Variants in PSD3 observed in about 807,000 individuals in gnomAD.
The protein encoded by PSD3 is PH and SEC7 domain-containing protein 3.
In PSD3, 49 loss-of-function variants were observed where a neutral mutation model predicts 105.5. The observed-to-expected ratio is 0.46, with a 90% CI of 0.37 to 0.59. PSD3 has a LOEUF of 0.59. Among genes scored for constraint, PSD3 ranks in the 20% least tolerant of loss-of-function variants. The probability of loss-of-function intolerance (pLI) is 0.00; values close to 1 mark genes in which losing one functional copy is unlikely to be tolerated. For synonymous variants in PSD3, 557 were observed against 457.8 expected (o/e 1.22, Z -2.77); for missense variants, 1,561 against 1,263.8 (o/e 1.24, Z -3.57).
intron 9 of PSD3, chr8:18,763,128 T>C: frequency 2.2e-6 from 1 of 447,620 alleles, no homozygotes; most frequent in African/African-American, 2.0e-5. Context: ...CAAAGAAATC[T>C]GAACAGACAT....
At chr8:18,909,513 C>T (rs2129463434) in intron 2 of PSD3, among the ~76,000 whole-genome samples, 1 of 152,040 alleles carries the variant, frequency 6.6e-6, no homozygotes, top group African/African-American at 2.4e-5. Flanking sequence ...GAAGCCTTGC[C>T]CTGTCACCCA....
intron 1 of PSD3, among the ~76,000 whole-genome samples, chr8:19,048,340 C>G (rs1049618643): frequency 6.6e-6 from 1 of 152,162 alleles, no homozygotes; most frequent in African/African-American, 2.4e-5. Context: ...GGACCTTTTA[C>G]AAGGGCAAAA....
chr8:18,965,852 C>T (rs1824208950), intron 1 of PSD3, among the ~76,000 whole-genome samples: 1 of 152,198 alleles, frequency 6.6e-6, no homozygotes, highest in Admixed American at 6.5e-5. Context: ...TAAATGGACA[C>T]ATAACAGCAG....
rs1370891941 is a variant in PSD3 at position 18,752,535 on chromosome 8, TATTATATATATTATATATA to T, written c.2172+12895_2172+12913del. Among the ~76,000 whole-genome samples, 31 of 22,410 alleles carry T rather than the reference TATTATATATATTATATATA, an allele frequency of 1.4e-3. 2 individuals are homozygous for T. The highest frequency in any genetic ancestry group is 6.7e-3 in the African/African-American group (30 of 4,460). The allele number at this position is 22,410 out of a possible 152,430, so 14.7% of individuals were successfully genotyped here. A position where few individuals can be genotyped will look rare whatever the true frequency, so the allele number is the denominator to read the frequency against. ...AATATATGTAATATATATAATTATA[TATTATATATATTATATATA>T]ATTATATATATTATATATATAATTA... On this transcript the variant is annotated intron_variant, in intron 9 of 15. Transcript: ENST00000327040.
chr8:18,922,965 G>C (rs1050048638), intron 2 of PSD3, among the ~76,000 whole-genome samples: 3 of 152,048 alleles, frequency 2.0e-5, no homozygotes, highest in Non-Finnish European at 4.4e-5. Context: ...TGTCCTTTTG[G>C]GTTTTTATGG....
intron 2 of PSD3, among the ~76,000 whole-genome samples, chr8:18,879,487 G>A (rs1817978506): frequency 6.6e-6 from 1 of 152,226 alleles, no homozygotes; most frequent in Admixed American, 6.5e-5. Flanking sequence ...TATTGTTTTA[G>A]AACTCTAAGT....
At chr8:18,862,986 A>G (rs1417285411) in intron 4 of PSD3, among the ~76,000 whole-genome samples, 1 of 152,114 alleles carries the variant, frequency 6.6e-6, no homozygotes, top group African/African-American at 2.4e-5. Context: ...CTGCACGCAG[A>G]TGTAATTCAC....
At chr8:18,632,866 G>T in intron 10 of PSD3, 60 bp from the exon 11 acceptor site, 1 of 1,329,196 alleles carries the variant, frequency 7.5e-7, no homozygotes, top group Non-Finnish European at 1.0e-6. Context: ...CAAAGAAAAA[G>T]GTAAGTTATT....
chr8:18,907,045 A>T (rs1277617489), intron 2 of PSD3, among the ~76,000 whole-genome samples: 1 of 152,382 alleles, frequency 6.6e-6, no homozygotes, highest in South Asian at 2.1e-4. Context: ...TGTACAATGT[A>T]TATGTATTTT....
intron 8 of PSD3, among the ~76,000 whole-genome samples, chr8:18,775,391 G>C (rs335227): frequency 0.96 from 146,076 of 152,292 alleles, 70,249 homozygotes; most frequent in Non-Finnish European, 0.98. Context: ...AGTGGGAATG[G>C]AGAGTCATAT....
chr8:18,774,823 A>G (rs7841096), intron 8 of PSD3: 1 of 447,566 alleles, frequency 2.2e-6, no homozygotes, highest in African/African-American at 2.0e-5. Context: ...CTTCGGCGAC[A>G]TACATCTGGG....
At chr8:18,569,505 T>C (rs201006921) in intron 14 of PSD3, among the ~76,000 whole-genome samples, 51,955 of 142,910 alleles carry the variant, frequency 0.36, 9,525 homozygotes, top group East Asian at 0.51. Flanking sequence ...CCATTCACAA[T>C]TGCTTCAAAG....
At chr8:18,846,456 T>C (rs372344711) in intron 4 of PSD3, among the ~76,000 whole-genome samples, 13 of 152,278 alleles carry the variant, frequency 8.5e-5, no homozygotes, top group East Asian at 7.7e-4. Flanking sequence ...GGGAAACATG[T>C]TCCTTGTGAA....
At chr8:18,564,942 T>TTA (rs1271931203) in intron 14 of PSD3, among the ~76,000 whole-genome samples, 1 of 152,138 alleles carries the variant, frequency 6.6e-6, no homozygotes, top group Non-Finnish European at 1.5e-5. Context: ...GATTCAAACT[T>TTA]TTATAAGACA....
intron 9 of PSD3, among the ~76,000 whole-genome samples, chr8:18,676,303 G>A (rs1170735032): frequency 1.3e-5 from 2 of 152,130 alleles, no homozygotes; most frequent in African/African-American, 4.8e-5. Flanking sequence ...ACTCATAAAT[G>A]GAGGGGAGCA....
intron 15 of PSD3, among the ~76,000 whole-genome samples, chr8:18,541,068 C>T (rs938815712): frequency 8.6e-5 from 13 of 151,814 alleles, no homozygotes; most frequent in Admixed American, 2.6e-4. Context: ...CCTTCCCTGG[C>T]CATCAAAATC....
chr8:18,726,612 A>G (rs745368294), intron 9 of PSD3, among the ~76,000 whole-genome samples: 21 of 152,180 alleles, frequency 1.4e-4, no homozygotes, highest in Non-Finnish European at 2.6e-4. Context: ...AAACAATTCT[A>G]TCTTCTCATC....
chr8:18,624,316 CTA>C (rs1046670298), intron 11 of PSD3, among the ~76,000 whole-genome samples: 16 of 151,944 alleles, frequency 1.1e-4, no homozygotes, highest in African/African-American at 3.9e-4. Context: ...TGACATTTCA[CTA>C]TATGTTTAAT....
intron 1 of PSD3, among the ~76,000 whole-genome samples, chr8:19,022,892 G>C (rs1375811295): frequency 6.6e-6 from 1 of 151,292 alleles, no homozygotes; most frequent in Non-Finnish European, 1.5e-5. Flanking sequence ...TGTGCATGGG[G>C]TAGATGTTGT....
Sources: allele counts gnomAD v4.1 joint callset (sites outside exome capture counted in the v4.1 genomes callset), GRCh38; gene constraint gnomAD v4.1.1; transcripts MANE v1.5; gene names NCBI Gene and HGNC (gene_info 2026-07-23, HGNC 2026-07-21).